Variants in CNTN4 observed in about 807,000 individuals in gnomAD.
The protein encoded by CNTN4 is contactin 4.
In CNTN4, 77 loss-of-function variants were observed where a neutral mutation model predicts 122.5. The ratio of observed to expected loss-of-function variants is 0.63; its 90% confidence interval spans 0.52 to 0.76. The LOEUF (loss-of-function observed/expected upper bound fraction) is 0.76, where lower values mean the gene tolerates loss of function less well. CNTN4 is among the 30% of genes least tolerant of loss of function. The pLI, the probability that CNTN4 is intolerant of heterozygous loss-of-function variation, is 0.00. For synonymous variants in CNTN4, 512 were observed against 447.0 expected (o/e 1.15, Z -1.83); for missense variants, 1,256 against 1,259.1 (o/e 1.00, Z 0.04).
intron 8 of CNTN4, among the ~76,000 whole-genome samples, chr3:2,877,846 A>G (rs1022326119): frequency 5.3e-5 from 8 of 152,214 alleles, no homozygotes; most frequent in Admixed American, 5.2e-4. Context: ...CTTACAAAAC[A>G]AAAAAGGAAA....
At chr3:2,320,523 A>G (rs1382299893) in intron 2 of CNTN4, among the ~76,000 whole-genome samples, 1 of 151,830 alleles carries the variant, frequency 6.6e-6, no homozygotes, top group Non-Finnish European at 1.5e-5. Flanking sequence ...CCAGGTGGAT[A>G]ACTGTTCTTG....
intron 4 of CNTN4, among the ~76,000 whole-genome samples, chr3:2,675,596 G>A (rs921268929): frequency 6.6e-6 from 1 of 152,138 alleles, no homozygotes; most frequent in Non-Finnish European, 1.5e-5. Context: ...AAAGACTGAT[G>A]GGCCACTGTG....
At chr3:2,143,510 T>TAA (rs1367571399) in intron 2 of CNTN4, among the ~76,000 whole-genome samples, 2 of 152,206 alleles carry the variant, frequency 1.3e-5, no homozygotes, top group Non-Finnish European at 2.9e-5. Flanking sequence ...GATTTAGACA[T>TAA]AAAGAATCTT....
chr3:2,336,722 G>C (rs560750607), intron 2 of CNTN4, among the ~76,000 whole-genome samples: 1 of 152,234 alleles, frequency 6.6e-6, no homozygotes. Context: ...ACTTGACTTA[G>C]GAAGTCAGGA....
intron 14 of CNTN4, among the ~76,000 whole-genome samples, chr3:2,994,649 G>A (rs1695364549): frequency 6.7e-6 from 1 of 150,000 alleles, no homozygotes; most frequent in African/African-American, 2.5e-5. Context: ...GCACCAAAGA[G>A]TATCTACAGC....
Position 2,271,507 on chromosome 3 carries a change from G to A in CNTN4, c.-144-67671G>A, listed in dbSNP as rs150270609. 9.9e-3 allele frequency among the ~76,000 whole-genome samples: 1,500 copies of A among 152,142 alleles called. 15 individuals carry two copies. Among genetic ancestry groups the A allele is most frequent in the Middle Eastern group, 0.027 (8 of 292 alleles). The stretch of plus-strand genomic sequence containing the variant: ...CATTTGTTAAATAGGGATAATAATA[G>A]CACCTATATCATAGGTTTATTATAA... On this transcript the variant is annotated intron_variant, in intron 2 of 24. Transcript: ENST00000418658.
intron 2 of CNTN4, among the ~76,000 whole-genome samples, chr3:2,294,813 G>A (rs1272318571): frequency 1.3e-5 from 2 of 152,018 alleles, no homozygotes; most frequent in Non-Finnish European, 2.9e-5. Flanking sequence ...ATCTCCTAAT[G>A]CTATCCCTCC....
At chr3:2,215,766 C>T (rs1033424902) in intron 2 of CNTN4, among the ~76,000 whole-genome samples, 2 of 149,834 alleles carry the variant, frequency 1.3e-5, no homozygotes, top group African/African-American at 4.9e-5. Context: ...GCCTGTAGTC[C>T]CAGTTACTTG....
At chr3:2,533,979 G>A (rs147707163) in intron 3 of CNTN4, among the ~76,000 whole-genome samples, 1 of 149,816 alleles carries the variant, frequency 6.7e-6, no homozygotes. Context: ...AAATTTGTTT[G>A]AGTTCTTTGT....
chr3:2,196,862 T>C (rs1002165395), intron 2 of CNTN4, among the ~76,000 whole-genome samples: 8 of 151,750 alleles, frequency 5.3e-5, no homozygotes, highest in African/African-American at 1.9e-4. Context: ...CTGACCAACA[T>C]GGAGAAACCT....
At chr3:2,542,102 C>A (rs993481086) in intron 3 of CNTN4, among the ~76,000 whole-genome samples, 9 of 152,102 alleles carry the variant, frequency 5.9e-5, no homozygotes, top group Admixed American at 3.3e-4. Context: ...CCTTCTGCCA[C>A]CACATTAGAG....
At chr3:2,575,387 TATA>T (rs2079614068) in intron 4 of CNTN4, among the ~76,000 whole-genome samples, 2 of 151,930 alleles carry the variant, frequency 1.3e-5, no homozygotes, top group African/African-American at 4.8e-5. Context: ...GGTGCACGTC[TATA>T]ATGTCAGCTG....
Position 3,031,444 on chromosome 3 carries a change from T to A in CNTN4, c.1783+469T>A, listed in dbSNP as rs375474608. On this transcript the variant is annotated intron_variant, in intron 16 of 24. Transcript: ENST00000418658. ...CCTAAACTTCACAGTGCTGTTCGGT[T>A]CCTAAAATAGGGTTTTGGGAGAGGA... is the stretch of plus-strand genomic sequence containing the variant. Among the ~76,000 whole-genome samples, 331 of 152,290 alleles carry A rather than the reference T, an allele frequency of 2.2e-3. 2 individuals are homozygous for A. The highest frequency in any genetic ancestry group is 7.7e-3 in the African/African-American group (320 of 41,556).
chr3:2,626,445 C>T (rs1055359006), intron 4 of CNTN4, among the ~76,000 whole-genome samples: 1 of 150,622 alleles, frequency 6.6e-6, no homozygotes, highest in Non-Finnish European at 1.5e-5. Flanking sequence ...TGCAGTGAGC[C>T]GAGATCGCGC....
chr3:2,269,132 A>G (rs1314482896), intron 2 of CNTN4, among the ~76,000 whole-genome samples: 1 of 152,132 alleles, frequency 6.6e-6, no homozygotes, highest in Non-Finnish European at 1.5e-5. Flanking sequence ...CCCCAAAATT[A>G]GCAACGTTTT....
intron 14 of CNTN4, among the ~76,000 whole-genome samples, chr3:3,008,183 G>T (rs1696840682): frequency 1.3e-5 from 2 of 152,144 alleles, no homozygotes; most frequent in African/African-American, 4.8e-5. Flanking sequence ...ATCAAGTTTA[G>T]ACAGTTTTCA....
chr3:2,398,525 A>G (rs1256662258), intron 3 of CNTN4, among the ~76,000 whole-genome samples: 1 of 152,152 alleles, frequency 6.6e-6, no homozygotes, highest in Non-Finnish European at 1.5e-5. Flanking sequence ...TTATATTGCC[A>G]TTGAGGGGAA....
At chr3:2,445,167 G>C (rs1458280205) in intron 3 of CNTN4, among the ~76,000 whole-genome samples, 3 of 152,150 alleles carry the variant, frequency 2.0e-5, no homozygotes, top group Non-Finnish European at 2.9e-5. Context: ...CAGAGGATCA[G>C]ACATCAGCTC....
intron 4 of CNTN4, among the ~76,000 whole-genome samples, chr3:2,726,475 G>A (rs1450094290): frequency 6.6e-6 from 1 of 152,322 alleles, no homozygotes; most frequent in Non-Finnish European, 1.5e-5. Context: ...AGAGTAGAAT[G>A]CTCTTACCTA....
Sources: allele counts gnomAD v4.1 joint callset (sites outside exome capture counted in the v4.1 genomes callset), GRCh38; gene constraint gnomAD v4.1.1; transcripts MANE v1.5; gene names NCBI Gene and HGNC (gene_info 2026-07-23, HGNC 2026-07-21).